The following ZNF677 variants were observed in gnomAD, a reference collection of about 807,000 sequenced individuals.
The protein encoded by ZNF677 is hypothetical protein MGC48625.
In ZNF677, 5 loss-of-function variants were observed where a neutral mutation model predicts 8.1. The observed-to-expected ratio is 0.62, with a 90% CI of 0.32 to 1.29. The LOEUF is 1.29. Ranked by LOEUF, ZNF677 falls within the 50% of genes most tolerant of loss-of-function variation. The pLI is 0.05. For missense variants in ZNF677, 685 were observed against 685.9 expected, an observed-to-expected ratio of 1.00 and a Z score of 0.01; for synonymous variants, 221 against 225.6, an observed-to-expected ratio of 0.98 and a Z score of 0.18.
At chr19:53,241,565 A>G in intron 4 of ZNF677, 2 of 343,214 alleles carry the variant, frequency 5.8e-6, no homozygotes, top group East Asian at 8.5e-5. Flanking sequence ...AAACTCCTAC[A>G]CCTTGTACTG....
At chr19:53,251,770 A>G (rs978013822) in intron 2 of ZNF677, 165 bp from the exon 3 acceptor site, 2 of 543,638 alleles carry the variant, frequency 3.7e-6, no homozygotes, top group African/African-American at 1.9e-5. Context: ...CTAAACAGAG[A>G]CTAAGGAGTT....
Position 53,237,529 on chromosome 19 carries a change from C to G in ZNF677, c.1198G>C (p.Glu400Gln). ...LTQHKRIHTG[E>Q]KPYICNECGK... ...CACTCATTACATATGTAAGGCTTCT[C>G]TCCAGTATGGATTCTCTTATGTTGG... The change falls in exon 5 of 5, where the codon GAG becomes CAG. Residue 400 changes from glutamate to glutamine, a missense_variant. Glu to Gln is a conservative substitution (Grantham distance 29). Coordinates refer to ENST00000598513, the MANE Select transcript of ZNF677 (RefSeq NM_182609.4). The G allele has an allele frequency of 6.2e-7, 1 of 1,613,442 alleles. No homozygotes were observed. Among genetic ancestry groups the G allele is most frequent in the Non-Finnish European group, 8.5e-7 (1 of 1,179,840 alleles).
Position 53,251,559 on chromosome 19 carries a change from C to T in ZNF677, c.-9G>A. ...ACCTGAGAAAGAGCCATTCCCTCCT[C>T]TTCTTTCTTTCCTCTTCCTCTGAGT... On this transcript the variant is annotated 5_prime_UTR_variant, in exon 3 of 5. Coordinates refer to ENST00000598513, the MANE Select transcript of ZNF677 (RefSeq NM_182609.4). 6.2e-7 allele frequency: 1 copy of T among 1,613,914 alleles called. No individual in the cohort carries two copies. The highest frequency in any genetic ancestry group is 8.5e-7 in the Non-Finnish European group (1 of 1,179,818).
At chr19:53,245,555 A>T (rs551157478) in intron 3 of ZNF677, among the ~76,000 whole-genome samples, 1 of 152,286 alleles carries the variant, frequency 6.6e-6, no homozygotes, top group South Asian at 2.1e-4. Flanking sequence ...CACCAGGAAA[A>T]CGCAAATCAA....
chr19:53,244,417 C>T (rs2091104045), intron 3 of ZNF677, among the ~76,000 whole-genome samples: 1 of 152,150 alleles, frequency 6.6e-6, no homozygotes, highest in African/African-American at 2.4e-5. Context: ...GCATTTAGTA[C>T]ATTCACAAAG....
intron 3 of ZNF677, among the ~76,000 whole-genome samples, chr19:53,249,840 T>C (rs1020604690): frequency 6.6e-6 from 1 of 152,216 alleles, no homozygotes; most frequent in Non-Finnish European, 1.5e-5. Flanking sequence ...CTTAGCTATA[T>C]TATAGCCATC....
chr19:53,240,013 A>G (rs2146935236), intron 4 of ZNF677: 1 of 152,302 alleles, frequency 6.6e-6, no homozygotes, highest in South Asian at 2.1e-4. Context: ...AGATTATGGG[A>G]CCTGAGCTGT....
In ZNF677 at chr19:53,238,557, T is replaced by C. The variant is rs376951290; in HGVS notation, c.170A>G (p.Asp57Gly). The change falls in exon 5 of 5, where the codon GAT becomes GGT. Residue 57 changes from aspartate to glycine, a missense_variant and splice_region_variant. By Grantham distance (94) the Asp-to-Gly change is moderately conservative. Coordinates refer to ENST00000598513, the MANE Select transcript of ZNF677 (RefSeq NM_182609.4). ...LDEDNIPPED[D>G]ISVGFTSKGL... is the part of the protein sequence containing the mutation. Reference sequence around the variant, plus strand: ...CTTGCTTGTAAATCCAACAGAAATATCTGAAAGATATTAAAAAAACCACAG... The same window carrying C: ...CTTGCTTGTAAATCCAACAGAAATACCTGAAAGATATTAAAAAAACCACAG... 8 of 1,538,918 alleles carry C rather than the reference T, an allele frequency of 5.2e-6. No individual in the cohort carries two copies. The Admixed American group carries it at 6.8e-5, about 13-fold the overall frequency.
chr19:53,245,382 A>G (rs1348724194), intron 3 of ZNF677, among the ~76,000 whole-genome samples: 1 of 152,214 alleles, frequency 6.6e-6, no homozygotes, highest in Admixed American at 6.5e-5. Context: ...ATATATCTGA[A>G]AAGGGGTTAA....
chr19:53,253,606 G>C (rs2091268662), intron 1 of ZNF677, among the ~76,000 whole-genome samples: 1 of 152,134 alleles, frequency 6.6e-6, no homozygotes, highest in Non-Finnish European at 1.5e-5. Flanking sequence ...AGAATCGCTT[G>C]AACCCTGGAG....
At chr19:53,244,337 A>G (rs559465213) in intron 3 of ZNF677, among the ~76,000 whole-genome samples, 11 of 152,236 alleles carry the variant, frequency 7.2e-5, no homozygotes, top group Non-Finnish European at 1.6e-4. Flanking sequence ...CACCCCAGTC[A>G]GGGAGACAGA....
At position 53,237,591 on chromosome 19, in the gene ZNF677, T is replaced by G. The variant is rs1289860356; in HGVS notation, c.1136A>C (p.Glu379Ala). The change falls in exon 5 of 5, where the codon GAA becomes GCA. Residue 379 changes from glutamate (E) to alanine (A), a missense_variant. Glu to Ala is a moderately radical substitution (Grantham distance 107). Coordinates refer to ENST00000598513, the MANE Select transcript of ZNF677 (RefSeq NM_182609.4). ...ACGTTCAGCAAAGGCTTTGTCACAT[T>G]CATTACATTTGTAAGGTTTCTCTCC... ...HTGEKPYKCN[E>A]CDKAFAERSS... The G allele has an allele frequency of 1.9e-6, 3 of 1,613,832 alleles. No individual in the cohort carries two copies. The highest frequency in any genetic ancestry group is 2.7e-5 in the African/African-American group (2 of 74,888).
chr19:53,243,518 G>GT, intron 4 of ZNF677: 13 of 578,126 alleles, frequency 2.2e-5, no homozygotes, highest in South Asian at 9.3e-5. Flanking sequence ...ATAAGGTTTT[G>GT]TAAGTACTGA....
intron 3 of ZNF677, among the ~76,000 whole-genome samples, chr19:53,250,015 G>A (rs767596882): frequency 7.9e-5 from 12 of 152,072 alleles, no homozygotes; most frequent in Non-Finnish European, 1.8e-4. Context: ...TGGGATTACA[G>A]GCACGTGCCA....
chr19:53,248,700 A>C (rs1296691002), intron 3 of ZNF677, among the ~76,000 whole-genome samples: 2 of 152,196 alleles, frequency 1.3e-5, no homozygotes, highest in African/African-American at 2.4e-5. Context: ...GTCACTGTAC[A>C]TGACAAATTA....
rs763787069 is a variant in ZNF677, at chr19:53,238,104, CCA to C, written c.621_622del (p.Lys210AsnfsTer3). 8 of 1,613,856 alleles carry C rather than the reference CCA, an allele frequency of 5.0e-6. No individual in the cohort carries two copies. The East Asian group carries it at 1.6e-4, about 31-fold the overall frequency. On this transcript the variant is annotated frameshift_variant, in exon 5 of 5. Transcript: ENST00000598513. LOFTEE classifies it low-confidence loss of function (END_TRUNC). ...TGGATTACATTCATACATTTTCTCC[CCA>C]GTTTGAAATCTCTGTAGTTCAGCCA...
rs546787895 is a variant in ZNF677, at chr19:53,248,431, T to G, written c.15+3105A>C. Among the ~76,000 whole-genome samples, 5 of 152,358 alleles carry G rather than the reference T, an allele frequency of 3.3e-5. No individual in the cohort carries two copies. In the East Asian group the frequency reaches 9.6e-4, roughly 29 times the overall value. On this transcript the variant is annotated intron_variant, in intron 3 of 4. Coordinates refer to ENST00000598513, the MANE Select transcript of ZNF677 (RefSeq NM_182609.4). ...CTGTATTAATTTGTTTTTATGGCTT[T>G]AAGGTACTGCTGGTGTCCTTTTACT...
At chr19:53,248,171 G>A (rs949404303) in intron 3 of ZNF677, among the ~76,000 whole-genome samples, 4 of 152,162 alleles carry the variant, frequency 2.6e-5, no homozygotes, top group Non-Finnish European at 2.9e-5. Context: ...ATCAGAAGCT[G>A]ATAATAATTA....
rs562858118 is a variant in ZNF677 at position 53,236,860 on chromosome 19, T to C, written c.*112A>G. ...CCTTGCCATACATGTTATCTTTGTG[T>C]GGTTTATCTCAAAGATGTATATTCT... On this transcript the variant is annotated 3_prime_UTR_variant, in exon 5 of 5. Transcript: ENST00000598513. 753 of 969,472 alleles carry C rather than the reference T, an allele frequency of 7.8e-4. 1 individual carries two copies. Among genetic ancestry groups the C allele is most frequent in the Non-Finnish European group, 1.1e-3 (725 of 681,688 alleles). The allele number at this position is 969,472 out of a possible 1,614,324, so 60.1% of individuals were successfully genotyped here.
Sources: gnomAD v4.1 joint callset for allele counts (sites outside exome capture counted in the v4.1 genomes callset) on GRCh38, gnomAD v4.1.1 for gene constraint, MANE v1.5 for transcripts, NCBI Gene and HGNC (gene_info 2026-07-23, HGNC 2026-07-21) for gene names.